The following SCN11A variants were observed in gnomAD, a reference collection of about 807,000 sequenced individuals.
SCN11A encodes sodium channel protein type 11 subunit alpha.
A neutral mutation model predicts 162.2 loss-of-function variants in SCN11A; 122 were observed. The ratio of observed to expected loss-of-function variants is 0.75; its 90% confidence interval spans 0.65 to 0.87. The LOEUF (loss-of-function observed/expected upper bound fraction) is 0.87. Ranked by LOEUF, SCN11A falls within the 40% of genes least tolerant of loss-of-function variation. The probability of loss-of-function intolerance (pLI) is 0.00; values close to 1 mark genes in which losing one functional copy is unlikely to be tolerated. For synonymous variants in SCN11A, 758 were observed against 751.5 expected (o/e 1.01, Z -0.14); for missense variants, 2,015 against 2,181.6 (o/e 0.92, Z 1.52).
intron 7 of SCN11A, among the ~76,000 whole-genome samples, chr3:38,936,599 C>T (rs966262159): frequency 6.6e-6 from 1 of 150,612 alleles, no homozygotes; most frequent in Non-Finnish European, 1.5e-5. Flanking sequence ...AGAGCCAAAT[C>T]ATGAGTGAAC....
chr3:38,921,269 C>G lies in SCN11A; in HGVS notation c.713-14G>C. 1 of 1,612,564 alleles carries G rather than the reference C, an allele frequency of 6.2e-7. No individual in the cohort carries two copies. The highest frequency in any genetic ancestry group is 1.8e-4 in the Middle Eastern group (1 of 5,706). On this transcript the variant is annotated splice_polypyrimidine_tract_variant and intron_variant, in intron 9 of 29. Transcript: ENST00000302328. ...TGACCTTCAGACCTGAGAAAGAGGACAGGCTTGGGGAGAAGCCCATCCCCC... is the reference window on the plus strand; with the variant it reads ...TGACCTTCAGACCTGAGAAAGAGGAGAGGCTTGGGGAGAAGCCCATCCCCC...
chr3:38,879,969 AG>A lies in SCN11A; in HGVS notation c.3373del (p.Asp1126IlefsTer5). ...ACTTACAATCACAATGATGAAATCA[AG>A]GCAGCACCAGGCACTGGTGAAATAC... ...GKYFTSAWCCLDFIIVIVSVT... is the reference protein window; with the variant it reads ...GKYFTSAWCCXDFIIVIVSVT... On this transcript the variant is annotated frameshift_variant, in exon 23 of 30. Transcript: ENST00000302328. LOFTEE classifies it high-confidence loss of function. 6.2e-7 allele frequency: 1 copy of A among 1,612,774 alleles called. No homozygotes were observed. The highest frequency in any genetic ancestry group is 8.5e-7 in the Non-Finnish European group (1 of 1,179,260).
chr3:38,905,761 A>G (rs1011677039), intron 14 of SCN11A, among the ~76,000 whole-genome samples: 1 of 152,230 alleles, frequency 6.6e-6, no homozygotes, highest in African/African-American at 2.4e-5. Flanking sequence ...TGCAGTTGTG[A>G]AGTGAACAAC....
intron 3 of SCN11A, among the ~76,000 whole-genome samples, chr3:38,954,443 G>A (rs2066657379): frequency 6.6e-6 from 1 of 152,168 alleles, no homozygotes; most frequent in Admixed American, 6.5e-5. Flanking sequence ...GGAGTCCAGT[G>A]GCAGGTGCTG....
chr3:38,880,266 G>GCTAAA (rs762710619), intron 22 of SCN11A, 143 bp from the exon 23 acceptor site: 14 of 596,014 alleles, frequency 2.3e-5, no homozygotes, highest in Non-Finnish European at 3.7e-5. Flanking sequence ...AGATATTAAG[G>GCTAAA]CTAAACTTTT....
intron 19 of SCN11A, among the ~76,000 whole-genome samples, chr3:38,894,055 C>T (rs1575257092): frequency 3.9e-5 from 6 of 152,188 alleles, no homozygotes; most frequent in Admixed American, 3.9e-4. Flanking sequence ...TAGACTAATA[C>T]AATATCCATT....
chr3:38,908,486 TA>T (rs1020148396), intron 13 of SCN11A, among the ~76,000 whole-genome samples: 19 of 152,250 alleles, frequency 1.2e-4, no homozygotes, highest in African/African-American at 4.6e-4. Flanking sequence ...AGTGCGAGTA[TA>T]AAACATGGTC....
At chr3:38,995,076 A>T (rs1395444607) in intron 2 of SCN11A, among the ~76,000 whole-genome samples, 1 of 152,032 alleles carries the variant, frequency 6.6e-6, no homozygotes, top group African/African-American at 2.4e-5. Flanking sequence ...ACTTAGTGTG[A>T]CTTCTGGGCC....
At chr3:38,885,254 T>G (rs1257702457) in intron 21 of SCN11A, 34 bp downstream of exon 21, 1 of 1,204,250 alleles carries the variant, frequency 8.3e-7, no homozygotes, top group South Asian at 1.2e-5. Context: ...ATCCAAAGAT[T>G]CTGTGAACTG....
chr3:38,925,716 T>A (rs1249297702), intron 8 of SCN11A, among the ~76,000 whole-genome samples: 1 of 152,244 alleles, frequency 6.6e-6, no homozygotes, highest in Non-Finnish European at 1.5e-5. Flanking sequence ...CTGTTCTCAG[T>A]TCACCTTCAT....
At position 38,938,507 on chromosome 3, in the gene SCN11A, ATCATATATATAT is replaced by A. The variant is rs1483585249; in HGVS notation, c.488+6892_488+6903del. On this transcript the variant is annotated intron_variant, in intron 7 of 29. Coordinates refer to ENST00000302328, the MANE Select transcript of SCN11A (RefSeq NM_001349253.2). ...AATAAAAGAAGGCAGAAGGAAAAAT[ATCATATATATAT>A]ATATATATATATATATATATATATA... Among the ~76,000 whole-genome samples the A allele has an allele frequency of 3.6e-3, 386 of 105,786 alleles. 3 individuals carry two copies. The highest frequency in any genetic ancestry group is 9.8e-3 in the African/African-American group (264 of 26,984). 69.4% of individuals were successfully genotyped at this position (105,786 alleles called of 152,430 possible).
intron 1 of SCN11A, among the ~76,000 whole-genome samples, chr3:39,033,319 T>C (rs2031813696): frequency 6.6e-6 from 1 of 152,218 alleles, no homozygotes; most frequent in Admixed American, 6.5e-5. Flanking sequence ...ACTTTTTATA[T>C]TTACTACATT....
intron 7 of SCN11A, among the ~76,000 whole-genome samples, chr3:38,944,573 G>A (rs1020707202): frequency 6.6e-5 from 10 of 151,844 alleles, no homozygotes; most frequent in Admixed American, 3.9e-4. Context: ...TGATCCACCC[G>A]CCTTGGCCTC....
At chr3:39,008,579 A>G (rs1205543602) in intron 2 of SCN11A, among the ~76,000 whole-genome samples, 4 of 152,198 alleles carry the variant, frequency 2.6e-5, no homozygotes, top group Non-Finnish European at 4.4e-5. Flanking sequence ...AAATTATTAG[A>G]ACATCCAATG....
intron 17 of SCN11A, among the ~76,000 whole-genome samples, chr3:38,898,548 T>C (rs1281042657): frequency 1.3e-5 from 2 of 152,198 alleles, no homozygotes; most frequent in Non-Finnish European, 2.9e-5. Flanking sequence ...AATATGGCAT[T>C]TGTAGTCAGG....
chr3:39,010,631 G>A (rs980533488), intron 2 of SCN11A, among the ~76,000 whole-genome samples: 21 of 152,228 alleles, frequency 1.4e-4, no homozygotes, highest in African/African-American at 4.8e-4. Flanking sequence ...ACCCGCCTCG[G>A]CCTCCCAAAG....
At chr3:38,900,555 C>G (rs988919175) in intron 16 of SCN11A, among the ~76,000 whole-genome samples, 1 of 150,480 alleles carries the variant, frequency 6.6e-6, no homozygotes, top group African/African-American at 2.4e-5. Context: ...ATTTCAACAC[C>G]TTGATCAGAA....
intron 7 of SCN11A, among the ~76,000 whole-genome samples, chr3:38,937,948 C>T (rs2066363443): frequency 6.6e-6 from 1 of 152,090 alleles, no homozygotes; most frequent in Non-Finnish European, 1.5e-5. Flanking sequence ...TATTGCGGCA[C>T]TATTCACAAT....
At chr3:39,042,419 A>G (rs2032069532) in intron 1 of SCN11A, among the ~76,000 whole-genome samples, 1 of 152,250 alleles carries the variant, frequency 6.6e-6, no homozygotes. Flanking sequence ...ACTCCAGGAC[A>G]TTAATCTGGG....
Sources: allele counts gnomAD v4.1 joint callset (sites outside exome capture counted in the v4.1 genomes callset), GRCh38; gene constraint gnomAD v4.1.1; transcripts MANE v1.5; gene names NCBI Gene and HGNC (gene_info 2026-07-23, HGNC 2026-07-21).